Variants in TRIM29 observed in about 807,000 individuals in gnomAD.
TRIM29 encodes tripartite motif containing 29.
Under a neutral mutation model 57.3 loss-of-function variants are expected in TRIM29, and 52 were observed. The ratio of observed to expected loss-of-function variants is 0.91; its 90% CI spans 0.73 to 1.14. TRIM29 has a LOEUF of 1.14. TRIM29 is among the 50% of genes most tolerant of loss of function. The pLI is 0.00. For synonymous variants in TRIM29, 319 were observed against 316.9 expected, an observed-to-expected ratio of 1.01 and a Z score of -0.07; for missense variants, 753 against 774.6, an observed-to-expected ratio of 0.97 and a Z score of 0.33.
chr11:120,127,460 T>C lies in TRIM29; in HGVS notation c.1010A>G (p.Gln337Arg), dbSNP rs775809989. ...CACCTTCACTTGGTCCACAGCATCC[T>C]GCTCCCGCTGCTCCAGCGCAGCCCT... ...EVRAALEQRE[Q>R]DAVDQVKVIM... Residue 337 changes from glutamine to arginine, a missense_variant, in exon 3 of 9, where the codon CAG (glutamine) becomes CGG (arginine). By Grantham distance (43) the Gln-to-Arg change is conservative. Coordinates refer to ENST00000341846, the MANE Select transcript of TRIM29 (RefSeq NM_012101.4). 1 of 1,614,180 alleles carries C rather than the reference T, an allele frequency of 6.2e-7. No homozygotes were observed. The highest frequency in any genetic ancestry group is 8.5e-7 in the Non-Finnish European group (1 of 1,180,038).
At chr11:120,119,848 C>G (rs915706505) in intron 6 of TRIM29, among the ~76,000 whole-genome samples, 1 of 152,134 alleles carries the variant, frequency 6.6e-6, no homozygotes, top group Non-Finnish European at 1.5e-5. Context: ...AGGACAGAAC[C>G]AGGGTCTCCC....
chr11:120,129,011 G>T, intron 1 of TRIM29: 1 of 991,302 alleles, frequency 1.0e-6, no homozygotes, highest in Non-Finnish European at 1.3e-6. Flanking sequence ...GTCTGGGCAG[G>T]CACAGCTATA....
rs763157409 is a variant in TRIM29 at position 120,118,257 on chromosome 11, G to A, written c.1593C>T (p.Pro531=). ...SSIQNSDNDL[P]VVQGSSSFSL... ...AGAAGGAGGAGCTGCCTTGGACGAC[G>A]GGCAGGTCATTGTCAGAGTTCTGAA... is the stretch of plus-strand genomic sequence containing the variant. The change falls in exon 7 of 9, where the codon CCC becomes CCT. Residue 531 remains proline (P), a synonymous_variant. Coordinates refer to ENST00000341846, the MANE Select transcript of TRIM29 (RefSeq NM_012101.4). 21 of 1,613,890 alleles carry A rather than the reference G, an allele frequency of 1.3e-5. No individual in the cohort carries two copies. Among genetic ancestry groups the A allele is most frequent in the Non-Finnish European group, 1.6e-5 (19 of 1,179,968 alleles).
At chr11:120,119,958 G>A (rs1008384409) in intron 6 of TRIM29, among the ~76,000 whole-genome samples, 1 of 152,042 alleles carries the variant, frequency 6.6e-6, no homozygotes, top group Non-Finnish European at 1.5e-5. Context: ...CTTCCCCTGG[G>A]GAAGCCACAT....
rs1316644232 is a variant in TRIM29 at position 120,114,682 on chromosome 11, G to A, written c.1704+656C>T. On this transcript the variant is annotated intron_variant, in intron 8 of 8. Coordinates refer to ENST00000341846, the MANE Select transcript of TRIM29 (RefSeq NM_012101.4). Reference sequence around the variant, plus strand: ...CAGGGTCAGATATGTCAGATCTAACGGGCACTGGGGATCATCTCAGTCCCC... The same window carrying A: ...CAGGGTCAGATATGTCAGATCTAACAGGCACTGGGGATCATCTCAGTCCCC... Among the ~76,000 whole-genome samples, 6 of 152,224 alleles carry A rather than the reference G, an allele frequency of 3.9e-5. No individual in the cohort carries two copies. The East Asian group carries it at 9.7e-4, about 25-fold the overall frequency.
intron 7 of TRIM29, 92 bp downstream of exon 7, chr11:120,118,131 G>A: frequency 1.7e-6 from 2 of 1,161,114 alleles, no homozygotes; most frequent in South Asian, 1.3e-5. Context: ...AGGTGAGGGA[G>A]GAACTAGCAG....
Position 120,115,328 on chromosome 11 carries a change from C to A in TRIM29, c.1704+10G>T. On this transcript the variant is annotated intron_variant, in intron 8 of 8. Coordinates refer to ENST00000341846, the MANE Select transcript of TRIM29 (RefSeq NM_012101.4). ...ATGTGCCCAGGCCCTCCCGGCAGCA[C>A]TTCCCTTACCAGCATAGTCTGCTTG... The A allele has an allele frequency of 6.2e-7, 1 of 1,612,690 alleles. No homozygotes were observed. The highest frequency in any genetic ancestry group is 8.5e-7 in the Non-Finnish European group (1 of 1,179,552).
chr11:120,132,995 A>C (rs1204351168), intron 1 of TRIM29, among the ~76,000 whole-genome samples: 1 of 152,052 alleles, frequency 6.6e-6, no homozygotes, highest in Non-Finnish European at 1.5e-5. Context: ...ACAGAGAGTT[A>C]GCACCCCCCT....
In TRIM29 at chr11:120,125,194, G is replaced by A. The variant is rs534528135; in HGVS notation, c.1333+497C>T. On this transcript the variant is annotated intron_variant, in intron 4 of 8. Transcript: ENST00000341846. Reference sequence around the variant, plus strand: ...CCACCGTCCCCAGCCCAGCTCAACAGGCCAAGTCCAGCCTCTGGGCTCAGC... The same window carrying A: ...CCACCGTCCCCAGCCCAGCTCAACAAGCCAAGTCCAGCCTCTGGGCTCAGC... The A allele has an allele frequency of 3.2e-3, 521 of 162,280 alleles. 4 individuals carry two copies. The highest frequency in any genetic ancestry group is 0.012 in the African/African-American group (501 of 41,894). 10.1% of individuals were successfully genotyped at this position (162,280 alleles called of 1,614,324 possible).
chr11:120,113,568 T>C (rs1267818338), intron 8 of TRIM29: 1 of 454,886 alleles, frequency 2.2e-6, no homozygotes, highest in Non-Finnish European at 4.4e-6. Context: ...GCCCTGTCTC[T>C]CAGGGAACTG....
intron 8 of TRIM29, among the ~76,000 whole-genome samples, chr11:120,115,062 C>A (rs1339847119): frequency 6.6e-6 from 1 of 152,190 alleles, no homozygotes; most frequent in Non-Finnish European, 1.5e-5. Context: ...ATCCAACAAG[C>A]ATTTGCCAAA....
chr11:120,118,344 T>C (rs1465766930), intron 6 of TRIM29, 23 bp from the exon 7 acceptor site: 14 of 1,583,364 alleles, frequency 8.8e-6, no homozygotes, highest in Non-Finnish European at 1.2e-5. Context: ...AGAAGGGCTG[T>C]CAGGCCCCCA....
chr11:120,113,913 T>C (rs1314469545), intron 8 of TRIM29, among the ~76,000 whole-genome samples: 2 of 152,130 alleles, frequency 1.3e-5, no homozygotes, highest in African/African-American at 4.8e-5. Flanking sequence ...CAGGGCAAAA[T>C]GCTACCTTCA....
Position 120,137,225 on chromosome 11 carries a change from T to TA in TRIM29, c.804+2dup. 6.2e-7 allele frequency: 1 copy of TA among 1,613,680 alleles called. No individual in the cohort carries two copies. The highest frequency in any genetic ancestry group is 2.2e-5 in the East Asian group (1 of 44,870). On this transcript the variant is annotated splice_region_variant and intron_variant, in intron 1 of 8. Coordinates refer to ENST00000341846, the MANE Select transcript of TRIM29 (RefSeq NM_012101.4). The surrounding 1 kb of genome is among the most constrained non-coding windows in gnomAD (Gnocchi z 6.2). ...GAGGGGCAGGAGGGGCCCCAGCACT[T>TA]ACCTCCTTCTCGGCCTTGGCCTCCT...
chr11:120,112,144 A>G lies in TRIM29; in HGVS notation c.*270T>C, dbSNP rs1863149716. On this transcript the variant is annotated 3_prime_UTR_variant, in exon 9 of 9. Coordinates refer to ENST00000341846, the MANE Select transcript of TRIM29 (RefSeq NM_012101.4). ...GGCGGGTTAGGGCAGGCCCCAACCT[A>G]TCTCACCCCTGTGATGGGTTGGCCT... 3 of 432,332 alleles carry G rather than the reference A, an allele frequency of 6.9e-6. No individual in the cohort carries two copies. The highest frequency in any genetic ancestry group is 1.3e-5 in the Non-Finnish European group (3 of 236,964). 26.8% of individuals were successfully genotyped at this position (432,332 alleles called of 1,614,324 possible).
At chr11:120,126,636 C>T (rs751875342) in intron 3 of TRIM29, among the ~76,000 whole-genome samples, 17 of 152,198 alleles carry the variant, frequency 1.1e-4, no homozygotes, top group Admixed American at 3.3e-4. Flanking sequence ...TGTCCTCCCT[C>T]TCAAATCCTA....
chr11:120,129,635 C>T (rs959149750), intron 1 of TRIM29, among the ~76,000 whole-genome samples: 1 of 151,728 alleles, frequency 6.6e-6, no homozygotes, highest in African/African-American at 2.4e-5. Flanking sequence ...TGCGGCACAC[C>T]TTCTGAACGC....
Position 120,118,331 on chromosome 11 carries a change from C to A in TRIM29, c.1529-10G>T. 6.2e-7 allele frequency: 1 copy of A among 1,606,172 alleles called. No homozygotes were observed. On this transcript the variant is annotated splice_polypyrimidine_tract_variant and intron_variant, in intron 6 of 8. Transcript: ENST00000341846. ...CGGGAGGTGTAGTTACCTGGCAGGA[C>A]AAAGAAGGGCTGTCAGGCCCCCACA... is the stretch of plus-strand genomic sequence containing the variant.
chr11:120,115,682 C>A (rs531682436), intron 7 of TRIM29: 5 of 484,924 alleles, frequency 1.0e-5, no homozygotes, highest in African/African-American at 7.9e-5. Context: ...GGAGTGTTGC[C>A]CCCACATCCA....
Sources: gnomAD v4.1 joint callset for allele counts (sites outside exome capture counted in the v4.1 genomes callset) on GRCh38, gnomAD v4.1.1 for gene constraint, Gnocchi (gnomAD v3.1) non-coding constraint, MANE v1.5 for transcripts, NCBI Gene and HGNC (gene_info 2026-07-23, HGNC 2026-07-21) for gene names.